Variants in SPTB observed in about 807,000 individuals in gnomAD.
The protein encoded by SPTB is spectrin beta, erythrocytic.
A neutral mutation model predicts 256.2 loss-of-function variants in SPTB; 45 were observed. The ratio of observed to expected loss-of-function variants is 0.18; its 90% CI spans 0.14 to 0.23. The LOEUF (loss-of-function observed/expected upper bound fraction) is 0.23, where lower values mean the gene tolerates loss of function less well. Ranked by LOEUF, SPTB falls within the 10% of genes least tolerant of loss-of-function variation. The pLI is 1.00. For missense variants in SPTB, 2,715 were observed against 3,040.4 expected, an observed-to-expected ratio of 0.89 and a Z score of 2.52; for synonymous variants, 1,231 against 1,243.1, an observed-to-expected ratio of 0.99 and a Z score of 0.21.
intron 1 of SPTB, among the ~76,000 whole-genome samples, chr14:64,829,954 T>C (rs1001562827): frequency 3.9e-5 from 6 of 152,134 alleles, no homozygotes; most frequent in Non-Finnish European, 7.4e-5. Context: ...CCATGCCCTC[T>C]GCCCCAGACA....
rs2083345896 is a variant in SPTB at position 64,824,412 on chromosome 14, G to A, written c.-51-1267C>T. Among the ~76,000 whole-genome samples, 1 of 152,162 alleles carries A rather than the reference G, an allele frequency of 6.6e-6. No homozygotes were observed. The highest frequency in any genetic ancestry group is 2.4e-5 in the African/African-American group (1 of 41,424). On this transcript the variant is annotated intron_variant, in intron 1 of 35. Coordinates refer to ENST00000644917, the MANE Select transcript of SPTB (RefSeq NM_001355436.2). This position sits in a 1 kb window ranked among gnomAD's most constrained non-coding sequence, Gnocchi z 5.7. ...TGGAGTCAGGGGAGAAAAGTGAGGA[G>A]GGGGCCAGGGGAGCCAGGCTTGGTC...
intron 1 of SPTB, among the ~76,000 whole-genome samples, chr14:64,860,481 C>T (rs10151551): frequency 0.94 from 142,586 of 152,064 alleles, 67,465 homozygotes; most frequent in Non-Finnish European, 0.98. Flanking sequence ...CCCAGGTAGG[C>T]GCACATGTGT....
chr14:64,780,009 C>T (rs1046952836), intron 20 of SPTB, 78 bp from the exon 21 acceptor site: 15 of 1,313,608 alleles, frequency 1.1e-5, no homozygotes, highest in Middle Eastern at 3.6e-4. Context: ...CATCTGCATC[C>T]CACCCATCCT....
chr14:64,767,383 C>T (rs1292537097), intron 30 of SPTB, 31 bp from the exon 31 acceptor site: 1 of 1,613,626 alleles, frequency 6.2e-7, no homozygotes, highest in African/African-American at 1.3e-5. Flanking sequence ...GGGGTCAGAG[C>T]AGCCACAGAG....
rs938327375 is a variant in SPTB, at chr14:64,764,899, C to T, written c.6345+1827G>A. 3.9e-5 allele frequency among the ~76,000 whole-genome samples: 6 copies of T among 152,064 alleles called. No individual in the cohort carries two copies. Among genetic ancestry groups the T allele is most frequent in the Admixed American group, 6.5e-5 (1 of 15,274 alleles). ...ACCCCACATGCGATGACGGGAGCTT[C>T]GGAGGGAACTTCTGGGAGAGACCCT... On this transcript the variant is annotated intron_variant, in intron 32 of 35. Transcript: ENST00000644917. This position sits in a 1 kb window ranked among gnomAD's most constrained non-coding sequence, Gnocchi z 4.2.
chr14:64,874,107 C>T (rs1053291154), intron 1 of SPTB, among the ~76,000 whole-genome samples: 2 of 152,326 alleles, frequency 1.3e-5, no homozygotes, highest in Non-Finnish European at 2.9e-5. Flanking sequence ...TGAACCCCAA[C>T]CACCTTTCTG....
chr14:64,870,733 A>G (rs957157395), intron 1 of SPTB, among the ~76,000 whole-genome samples: 4 of 152,246 alleles, frequency 2.6e-5, no homozygotes, highest in African/African-American at 9.6e-5. Flanking sequence ...GGGTTCCTTA[A>G]AAGATTATAA....
intron 15 of SPTB, among the ~76,000 whole-genome samples, chr14:64,788,474 C>T (rs1026442411): frequency 3.9e-5 from 6 of 152,154 alleles, no homozygotes; most frequent in South Asian, 2.1e-4. Flanking sequence ...GCAGATTTCT[C>T]GGCTCCCATC....
intron 2 of SPTB, 70 bp from the exon 3 acceptor site, chr14:64,805,160 G>T: frequency 1.3e-6 from 2 of 1,582,046 alleles, no homozygotes. Flanking sequence ...GGGCCAAGGG[G>T]TTTTACCTTA....
rs1266512781 is a variant in SPTB, at chr14:64,786,749, G to A, written c.3216C>T (p.Asp1072=). ...QLQAFLQDLD[D]FQAWLSITQK... Reference sequence around the variant, plus strand: ...GGGTGATGGAGAGCCAGGCCTGGAAGTCATCCAGATCCTGCAGGAAGGCCT... The same window carrying A: ...GGGTGATGGAGAGCCAGGCCTGGAAATCATCCAGATCCTGCAGGAAGGCCT... Residue 1072 remains aspartate, a synonymous_variant, in exon 16 of 36, where the codon GAC becomes GAT. Transcript: ENST00000644917. This position sits in a 1 kb window ranked among gnomAD's most constrained non-coding sequence, Gnocchi z 5.6. 6.2e-7 allele frequency: 1 copy of A among 1,614,106 alleles called. No individual in the cohort carries two copies. The highest frequency in any genetic ancestry group is 1.7e-5 in the Admixed American group (1 of 60,030).
intron 2 of SPTB, among the ~76,000 whole-genome samples, chr14:64,815,842 C>T (rs2083181635): frequency 6.6e-6 from 1 of 152,222 alleles, no homozygotes; most frequent in African/African-American, 2.4e-5. Context: ...TGGGCGTCAT[C>T]TAGTTCAAGC....
chr14:64,799,719 C>A (rs752654160), intron 9 of SPTB, 28 bp downstream of exon 9: 1 of 1,613,404 alleles, frequency 6.2e-7, no homozygotes, highest in Admixed American at 1.7e-5. Context: ...CCACTGAGGA[C>A]CACCCTCCCA....
Position 64,777,417 on chromosome 14 carries a change from T to C in SPTB, c.4563+1740A>G, listed in dbSNP as rs1249946028. On this transcript the variant is annotated intron_variant, in intron 22 of 35. Coordinates refer to ENST00000644917, the MANE Select transcript of SPTB (RefSeq NM_001355436.2). The surrounding 1 kb of genome is among the most constrained non-coding windows in gnomAD (Gnocchi z 4.5). The stretch of plus-strand genomic sequence containing the variant: ...GCCTACCCCCAGAGATCCTAATTGA[T>C]CTGAGGTGAGACCTGGGCATTCATC... Among the ~76,000 whole-genome samples, 2 of 152,078 alleles carry C rather than the reference T, an allele frequency of 1.3e-5. No individual in the cohort carries two copies. Among genetic ancestry groups the C allele is most frequent in the Non-Finnish European group, 2.9e-5 (2 of 68,014 alleles).
At chr14:64,751,690 C>G (rs2081951840) in intron 33 of SPTB, among the ~76,000 whole-genome samples, 1 of 152,058 alleles carries the variant, frequency 6.6e-6, no homozygotes, top group African/African-American at 2.4e-5. Context: ...CACTAAAGAA[C>G]TGTGAAGGAA....
chr14:64,777,407 T>A lies in SPTB; in HGVS notation c.4563+1750A>T, dbSNP rs1211851134. On this transcript the variant is annotated intron_variant, in intron 22 of 35. Transcript: ENST00000644917. This position sits in a 1 kb window ranked among gnomAD's most constrained non-coding sequence, Gnocchi z 4.5. ...GCAGCTAGGGGCCTACCCCCAGAGATCCTAATTGATCTGAGGTGAGACCTG... is the reference window on the plus strand; with the variant it reads ...GCAGCTAGGGGCCTACCCCCAGAGAACCTAATTGATCTGAGGTGAGACCTG... 6.6e-6 allele frequency among the ~76,000 whole-genome samples: 1 copy of A among 152,124 alleles called. No individual in the cohort carries two copies. Among genetic ancestry groups the A allele is most frequent in the Non-Finnish European group, 1.5e-5 (1 of 68,010 alleles).
intron 1 of SPTB, among the ~76,000 whole-genome samples, chr14:64,875,563 C>T (rs1023271298): frequency 1.3e-5 from 2 of 152,230 alleles, no homozygotes; most frequent in African/African-American, 4.8e-5. Flanking sequence ...AAGAAGGAAG[C>T]ATCTCTGTGA....
Position 64,793,772 on chromosome 14 carries a change from C to T in SPTB, c.1891G>A (p.Ala631Thr), listed in dbSNP as rs1278230826. The change falls in exon 14 of 36, where the codon GCC (alanine) becomes ACC (threonine). Residue 631 changes from alanine (A) to threonine (T), a missense_variant. By Grantham distance (58) the Ala-to-Thr change is moderately conservative (BLOSUM62 0). Around this residue, in one of 4 missense-constraint regions of SPTB, gnomAD observed 2,239 missense variants for 2,384.4 expected, o/e 0.94. Coordinates refer to ENST00000644917, the MANE Select transcript of SPTB (RefSeq NM_001355436.2). This position sits in a 1 kb window ranked among gnomAD's most constrained non-coding sequence, Gnocchi z 7.0. ...ELSNMAAGRK[A>T]QLEQSKRLWK... Reference sequence around the variant, plus strand: ...AGTCGTTTGGACTGCTCCAGTTGGGCCTTCCGCCCAGCTGCCATGTTGCTC... The same window carrying T: ...AGTCGTTTGGACTGCTCCAGTTGGGTCTTCCGCCCAGCTGCCATGTTGCTC... 1.9e-6 allele frequency: 3 copies of T among 1,605,490 alleles called. No individual in the cohort carries two copies. The African/African-American group carries it at 4.0e-5, about 22-fold the overall frequency.
At chr14:64,794,412 A>T in intron 13 of SPTB, 55 bp downstream of exon 13, 1 of 1,608,810 alleles carries the variant, frequency 6.2e-7, no homozygotes, top group Non-Finnish European at 8.5e-7. Flanking sequence ...TTGTTAGGCC[A>T]GAGGTGAGGC....
In SPTB at chr14:64,747,974, G is replaced by T. The variant is rs556872379; in HGVS notation, c.*1332C>A. 1 of 152,184 alleles carries T rather than the reference G, an allele frequency of 6.6e-6. No homozygotes were observed. The highest frequency in any genetic ancestry group is 2.4e-5 in the African/African-American group (1 of 41,406). 9.4% of individuals were successfully genotyped at this position (152,184 alleles called of 1,614,324 possible). A position where few individuals can be genotyped will look rare whatever the true frequency, so the allele number is the denominator to read the frequency against. ...CAAGGGGAAGGCCATTCCTGGGGAC[G>T]TTGGTTGCAGAGCTTCTGGTGCTCA... is the stretch of plus-strand genomic sequence containing the variant. On this transcript the variant is annotated 3_prime_UTR_variant, in exon 36 of 36. Coordinates refer to ENST00000644917, the MANE Select transcript of SPTB (RefSeq NM_001355436.2).
Sources: gnomAD v4.1 joint callset for allele counts (sites outside exome capture counted in the v4.1 genomes callset) on GRCh38, gnomAD v4.1.1 for gene constraint, gnomAD v4.1.1 regional missense constraint, Gnocchi (gnomAD v3.1) non-coding constraint, MANE v1.5 for transcripts, NCBI Gene and HGNC (gene_info 2026-07-23, HGNC 2026-07-21) for gene names.